Variants in HELLS observed in about 807,000 individuals in gnomAD.
HELLS encodes the protein lymphoid-specific helicase.
Under a neutral mutation model 120.0 loss-of-function variants are expected in HELLS, and 32 were observed. The observed-to-expected ratio is 0.27, with a 90% CI of 0.20 to 0.36. The LOEUF is 0.36. HELLS is among the 10% of genes least tolerant of loss of function. The pLI is 1.00. For missense variants in HELLS, 650 were observed against 993.4 expected (o/e 0.65, Z 4.65); for synonymous variants, 341 against 323.4 (o/e 1.05, Z -0.58).
At chr10:94,573,191 C>T (rs1240762130) in intron 7 of HELLS, among the ~76,000 whole-genome samples, 1 of 152,170 alleles carries the variant, frequency 6.6e-6, no homozygotes. Context: ...ATCACTTGAC[C>T]TCATGATCTG....
intron 10 of HELLS, chr10:94,577,179 T>G (rs1340887899): frequency 2.9e-6 from 1 of 344,434 alleles, no homozygotes; most frequent in Non-Finnish European, 5.5e-6. Flanking sequence ...GAGTATCTTA[T>G]TGGACTATTT....
chr10:94,600,515 A>C (rs1845985227), intron 21 of HELLS, among the ~76,000 whole-genome samples: 1 of 152,184 alleles, frequency 6.6e-6, no homozygotes, highest in Non-Finnish European at 1.5e-5. Flanking sequence ...TGGTGAATCT[A>C]GAAAGACAAC....
At chr10:94,549,911 G>GATTTTT (rs957489527) in intron 2 of HELLS, among the ~76,000 whole-genome samples, 1 of 151,904 alleles carries the variant, frequency 6.6e-6, no homozygotes, top group Non-Finnish European at 1.5e-5. Flanking sequence ...AAGCTTTAGT[G>GATTTTT]ATTTTTATTT....
downstream of HELLS, among the ~76,000 whole-genome samples, chr10:94,605,496 T>C (rs559699256): frequency 6.6e-6 from 1 of 152,312 alleles, no homozygotes; most frequent in Admixed American, 6.5e-5. Flanking sequence ...AACTCGCATA[T>C]CTGGCTGTAT....
chr10:94,585,299 TTC>T (rs958465248), intron 12 of HELLS, among the ~76,000 whole-genome samples: 31 of 151,492 alleles, frequency 2.0e-4, no homozygotes, highest in African/African-American at 7.0e-4. Context: ...AAGTAAAAAT[TTC>T]TGTTTTCCTT....
chr10:94,547,174 C>G lies in HELLS; in HGVS notation c.153+676C>G, dbSNP rs966423483. 2.6e-5 allele frequency among the ~76,000 whole-genome samples: 4 copies of G among 152,188 alleles called. No individual in the cohort carries two copies. In the East Asian group the frequency reaches 7.7e-4, roughly 29 times the overall value. On this transcript the variant is annotated intron_variant, in intron 2 of 21. Transcript: ENST00000348459. ...TTCTTGTTTATTCTAAAGCCCCACC[C>G]TGCTGCTTGATTCATATGCAAGAAA...
At chr10:94,554,352 C>A in intron 3 of HELLS, 104 bp downstream of exon 3, 1 of 779,358 alleles carries the variant, frequency 1.3e-6, no homozygotes, top group Non-Finnish European at 1.9e-6. Flanking sequence ...TTTAAGTGTA[C>A]GGTTTGCTGA....
At position 94,592,438 on chromosome 10, in the gene HELLS, T is replaced by A; in HGVS notation, c.1895T>A (p.Met632Lys). 1 of 1,589,474 alleles carries A rather than the reference T, an allele frequency of 6.3e-7. No individual in the cohort carries two copies. Among genetic ancestry groups the A allele is most frequent in the Non-Finnish European group, 8.5e-7 (1 of 1,170,510 alleles). ...SQMTSMLDIL[M>K]DYCHLRDFNF... ...ATGACAAGCATGTTGGACATTTTGA[T>A]GGATTACTGCCATCTCAGAGATTTC... The change falls in exon 17 of 22, where the codon ATG becomes AAG. Residue 632 changes from methionine (M) to lysine (K), a missense_variant. Transcript: ENST00000348459.
intron 3 of HELLS, among the ~76,000 whole-genome samples, chr10:94,554,582 G>A (rs1000987035): frequency 3.3e-5 from 5 of 150,534 alleles, no homozygotes; most frequent in African/African-American, 1.2e-4. Context: ...TAAATAGTTG[G>A]TCTTCATCAC....
downstream of HELLS, among the ~76,000 whole-genome samples, chr10:94,604,387 T>C (rs537144749): frequency 9.2e-5 from 14 of 152,240 alleles, no homozygotes; most frequent in Non-Finnish European, 1.8e-4. Flanking sequence ...GACTAAGTGC[T>C]GGGATTACAG....
chr10:94,593,301 G>C (rs562480388), intron 17 of HELLS, among the ~76,000 whole-genome samples, 198 bp from the exon 18 acceptor site: 1 of 152,226 alleles, frequency 6.6e-6, no homozygotes, highest in East Asian at 1.9e-4. Context: ...ACAAAATTAA[G>C]ATCTCTTTAA....
At chr10:94,582,228 G>A (rs1362574104) in intron 11 of HELLS, among the ~76,000 whole-genome samples, 1 of 152,136 alleles carries the variant, frequency 6.6e-6, no homozygotes, top group Non-Finnish European at 1.5e-5. Flanking sequence ...TCTGGTTACC[G>A]AATGGTGGCT....
At chr10:94,598,909 A>T (rs1017070924) in intron 21 of HELLS, among the ~76,000 whole-genome samples, 16 of 152,138 alleles carry the variant, frequency 1.1e-4, no homozygotes, top group Non-Finnish European at 2.2e-4. Flanking sequence ...TTAATTTGTT[A>T]AAAAGATGAT....
In HELLS at chr10:94,571,390, A is replaced by T; in HGVS notation, c.438A>T (p.Glu146Asp). The T allele has an allele frequency of 6.7e-7, 1 of 1,486,790 alleles. No individual in the cohort carries two copies. Among genetic ancestry groups the T allele is most frequent in the Non-Finnish European group, 9.3e-7 (1 of 1,077,670 alleles). 92.1% of individuals were successfully genotyped at this position (1,486,790 alleles called of 1,614,324 possible). The change falls in exon 7 of 22, where the codon GAA becomes GAT. Residue 146 changes from glutamate to aspartate, a missense_variant and splice_region_variant. Transcript: ENST00000348459. The part of the protein sequence containing the change: ...YNISEVMSKE[E>D]ILSVAKKNKK... ...TTTTTGTTTTCTCAAACTACTAGGA[A>T]ATTTTGTCTGTGGCTAAAAAAAATA...
At chr10:94,608,908 C>G (rs1244990935) in intron 9 of HELLS, among the ~76,000 whole-genome samples, 1 of 151,952 alleles carries the variant, frequency 6.6e-6, no homozygotes. Flanking sequence ...TCTTGGCCTC[C>G]CAATAGCATA....
At chr10:94,611,702 A>C (rs567917893) in exon 10 of HELLS, 1 of 152,322 alleles carries the variant, frequency 6.6e-6, no homozygotes, top group Middle Eastern at 3.4e-3. Context: ...GGACCCAAAA[A>C]GAAGTTAGGC....
In HELLS at chr10:94,590,311, A is replaced by G. The variant is rs1589756439; in HGVS notation, c.1489-102A>G. On this transcript the variant is annotated intron_variant, in intron 13 of 21. Transcript: ENST00000348459. ...TCCCACAACATTTGTATTTGTCTAT[A>G]GATTGTCATTTTGTACATAAAATAT... 6 of 958,248 alleles carry G rather than the reference A, an allele frequency of 6.3e-6. No individual in the cohort carries two copies. In the East Asian group the frequency reaches 1.0e-4, roughly 16 times the overall value. 59.4% of individuals were successfully genotyped at this position (958,248 alleles called of 1,614,324 possible).
rs557142854 is a variant in HELLS at position 94,597,898 on chromosome 10, C to T, written c.2422+787C>T. On this transcript the variant is annotated intron_variant, in intron 21 of 21. Coordinates refer to ENST00000348459, the MANE Select transcript of HELLS (RefSeq NM_018063.5). ...AGAACCATTATTAACTTAATCATTG[C>T]AAAATGGTGATTTTTCTTGTTCTGT... Among the ~76,000 whole-genome samples, 47 of 152,194 alleles carry T rather than the reference C, an allele frequency of 3.1e-4. 1 individual carries two copies. In the South Asian group the frequency reaches 8.9e-3, roughly 29 times the overall value.
In HELLS at chr10:94,574,027, T is replaced by C; in HGVS notation, c.545T>C (p.Ile182Thr). 1 of 1,610,900 alleles carries C rather than the reference T, an allele frequency of 6.2e-7. No homozygotes were observed. Among genetic ancestry groups the C allele is most frequent in the Non-Finnish European group, 8.5e-7 (1 of 1,177,058 alleles). ...DLQKNKDSNSIIKDRLSETVR... is the reference protein window; with the variant it reads ...DLQKNKDSNSTIKDRLSETVR... ...CAGAAAAATAAAGATTCGAATAGTA[T>C]AATTAAAGATAGATTGTCTGAAACG... The change falls in exon 8 of 22, where the codon ATA (isoleucine) becomes ACA (threonine). Residue 182 changes from isoleucine to threonine, a missense_variant. This residue lies in a region of HELLS where 113 missense variants were observed against 120.7 expected (regional missense o/e 0.94). Coordinates refer to ENST00000348459, the MANE Select transcript of HELLS (RefSeq NM_018063.5).
Sources: gnomAD v4.1 joint callset for allele counts (sites outside exome capture counted in the v4.1 genomes callset) on GRCh38, gnomAD v4.1.1 for gene constraint, gnomAD v4.1.1 regional missense constraint, MANE v1.5 for transcripts, NCBI Gene and HGNC (gene_info 2026-07-23, HGNC 2026-07-21) for gene names.